The following NF1 variants were observed in gnomAD, a reference collection of about 807,000 sequenced individuals.
NF1 encodes neurofibromin.
Under a neutral mutation model 325.7 loss-of-function variants are expected in NF1, and 122 were observed. That is an observed-to-expected ratio of 0.37 (90% CI 0.32 to 0.44). The LOEUF (loss-of-function observed/expected upper bound fraction) is 0.44, where lower values mean the gene tolerates loss of function less well. Among genes scored for constraint, NF1 ranks in the 20% least tolerant of loss-of-function variants. The pLI, the probability that NF1 is intolerant of heterozygous loss-of-function variation, is 1.00. For synonymous variants in NF1, 1,091 were observed against 1,186.0 expected, an observed-to-expected ratio of 0.92 and a Z score of 1.65; for missense variants, 2,140 against 3,415.4, an observed-to-expected ratio of 0.63 and a Z score of 9.31.
At chr17:31,320,449 AG>A (rs1343706165) in intron 36 of NF1, 1 of 1,608,996 alleles carries the variant, frequency 6.2e-7, no homozygotes, top group Non-Finnish European at 8.5e-7. Flanking sequence ...ACTGCTAGTC[AG>A]GCTTTTGAAC....
At chr17:31,221,363 C>G (rs1451383676) in intron 14 of NF1, among the ~76,000 whole-genome samples, 2 of 152,084 alleles carry the variant, frequency 1.3e-5, no homozygotes, top group African/African-American at 4.8e-5. Context: ...TGCTTCCTCT[C>G]TCTTGATTTT....
intron 36 of NF1, among the ~76,000 whole-genome samples, chr17:31,274,317 T>A (rs2067960900): frequency 6.6e-6 from 1 of 152,170 alleles, no homozygotes; most frequent in Non-Finnish European, 1.5e-5. Context: ...ATAGGGAAAT[T>A]GGGTTGTATT....
chr17:31,117,869 A>T (rs1914091222), intron 1 of NF1, among the ~76,000 whole-genome samples: 1 of 152,112 alleles, frequency 6.6e-6, no homozygotes, highest in African/African-American at 2.4e-5. Flanking sequence ...TAACCAAATC[A>T]TGATATGTAT....
rs191433592 is a variant in NF1, at chr17:31,160,532, G to T, written c.288+1439G>T. 3.3e-5 allele frequency among the ~76,000 whole-genome samples: 5 copies of T among 152,292 alleles called. No homozygotes were observed. In the East Asian group the frequency reaches 5.8e-4, roughly 18 times the overall value. On this transcript the variant is annotated intron_variant, in intron 3 of 57. Transcript: ENST00000358273. ...TTCCGTTAACTTGTGATATGCTATT[G>T]TTCATGTGTAAAATGGAGTGAAAGA...
chr17:31,246,592 G>A (rs1284056595), intron 29 of NF1, among the ~76,000 whole-genome samples: 1 of 152,198 alleles, frequency 6.6e-6, no homozygotes, highest in Non-Finnish European at 1.5e-5. Flanking sequence ...AGTTTAGTAA[G>A]AGGGATAAAA....
At chr17:31,236,157 A>G in intron 29 of NF1, 136 bp downstream of exon 29, 4 of 657,488 alleles carry the variant, frequency 6.1e-6, no homozygotes, top group Non-Finnish European at 1.1e-5. Flanking sequence ...AAAGTTATAT[A>G]CAAATACACG....
At chr17:31,251,517 T>G (rs1311069453) in intron 30 of NF1, 2 of 194,986 alleles carry the variant, frequency 1.0e-5, no homozygotes, top group Non-Finnish European at 2.1e-5. Context: ...ATGTGTTGTT[T>G]TCACTTCTCC....
intron 38 of NF1, among the ~76,000 whole-genome samples, chr17:31,328,218 A>G (rs2069397187): frequency 6.6e-6 from 1 of 152,352 alleles, no homozygotes; most frequent in South Asian, 2.1e-4. Flanking sequence ...AAGAAGGCCT[A>G]ATGTTCAATA....
At chr17:31,260,348 A>G in intron 33 of NF1, 21 bp from the exon 34 acceptor site, 1 of 1,612,798 alleles carries the variant, frequency 6.2e-7, no homozygotes. Flanking sequence ...TGAAAATTCT[A>G]ATGACTTTGC....
intron 15 of NF1, chr17:31,222,161 C>T: frequency 8.0e-7 from 1 of 1,250,480 alleles, no homozygotes; most frequent in Non-Finnish European, 1.0e-6. Context: ...TTTTGTCACC[C>T]TAACATAAGT....
At chr17:31,218,857 C>T in intron 13 of NF1, 148 bp from the exon 14 acceptor site, 1 of 792,644 alleles carries the variant, frequency 1.3e-6, no homozygotes, top group Non-Finnish European at 2.0e-6. Flanking sequence ...CAGGCGTGAA[C>T]CACCGCGTCC....
At chr17:31,285,316 C>T (rs895321093) in intron 36 of NF1, among the ~76,000 whole-genome samples, 2 of 148,510 alleles carry the variant, frequency 1.3e-5, no homozygotes, top group African/African-American at 5.0e-5. Flanking sequence ...CTGAAACAAC[C>T]ATGTAAGAAT....
At chr17:31,310,216 G>A (rs2068832122) in intron 36 of NF1, among the ~76,000 whole-genome samples, 2 of 151,652 alleles carry the variant, frequency 1.3e-5, no homozygotes, top group Admixed American at 1.3e-4. Flanking sequence ...AGGAGATTTA[G>A]AATAATATAA....
chr17:31,200,240 T>TA (rs2066502190), intron 8 of NF1, among the ~76,000 whole-genome samples, 182 bp from the exon 9 acceptor site: 1 of 151,920 alleles, frequency 6.6e-6, no homozygotes, highest in African/African-American at 2.4e-5. Context: ...GGATTTTTTT[T>TA]AAATTTGAGA....
chr17:31,345,020 G>A (rs2069934284), intron 48 of NF1, among the ~76,000 whole-genome samples: 1 of 152,190 alleles, frequency 6.6e-6, no homozygotes, highest in Non-Finnish European at 1.5e-5. Flanking sequence ...CCACTCAGGA[G>A]GCTGAGGCAC....
chr17:31,160,806 T>C (rs140760384), intron 3 of NF1, among the ~76,000 whole-genome samples: 83 of 152,346 alleles, frequency 5.4e-4, no homozygotes, highest in Middle Eastern at 3.4e-3. Context: ...ACCGATATTA[T>C]TGGCCTCTGT....
chr17:31,222,704 T>G (rs1567845489), intron 15 of NF1: 1 of 220,590 alleles, frequency 4.5e-6, no homozygotes, highest in Admixed American at 6.3e-5. Flanking sequence ...CAACATGTAA[T>G]CAATATAAAA....
intron 36 of NF1, among the ~76,000 whole-genome samples, chr17:31,316,654 G>A (rs1482800845): frequency 1.3e-5 from 2 of 152,122 alleles, no homozygotes; most frequent in African/African-American, 4.8e-5. Flanking sequence ...AGTCTGCCCA[G>A]TTTCATTTCT....
At chr17:31,345,159 C>A (rs2069938960) in intron 48 of NF1, among the ~76,000 whole-genome samples, 1 of 152,052 alleles carries the variant, frequency 6.6e-6, no homozygotes, top group East Asian at 1.9e-4. Context: ...AGATACTTTC[C>A]ATGTTCAAAT....
Sources: gnomAD v4.1 joint callset for allele counts (sites outside exome capture counted in the v4.1 genomes callset) on GRCh38, gnomAD v4.1.1 for gene constraint, MANE v1.5 for transcripts, NCBI Gene and HGNC (gene_info 2026-07-23, HGNC 2026-07-21) for gene names.